Variants in DLG2 observed in about 807,000 individuals in gnomAD.
The protein encoded by DLG2 is discs large MAGUK scaffold protein 2.
In DLG2, 45 loss-of-function variants were observed where a neutral mutation model predicts 132.5. The ratio of observed to expected loss-of-function variants is 0.34; its 90% CI spans 0.27 to 0.44. The LOEUF is 0.44. DLG2 is among the 20% of genes least tolerant of loss of function. DLG2 has a pLI of 1.00. For missense variants in DLG2, 1,045 were observed against 1,196.9 expected, an observed-to-expected ratio of 0.87 and a Z score of 1.87; for synonymous variants, 424 against 419.6, an observed-to-expected ratio of 1.01 and a Z score of -0.13.
chr11:84,807,968 GAAT>G (rs754651347), intron 6 of DLG2, among the ~76,000 whole-genome samples: 2 of 152,098 alleles, frequency 1.3e-5, no homozygotes, highest in Admixed American at 6.5e-5. Flanking sequence ...AATGCATATA[GAAT>G]AATAACACCA....
intron 3 of DLG2, among the ~76,000 whole-genome samples, chr11:85,337,123 T>C (rs2082187192): frequency 6.6e-6 from 1 of 152,258 alleles, no homozygotes; most frequent in South Asian, 2.1e-4. Context: ...GCTAGGACAC[T>C]TAAGTAATAA....
At chr11:84,578,869 C>T (rs1592796126) in intron 6 of DLG2, among the ~76,000 whole-genome samples, 1 of 152,042 alleles carries the variant, frequency 6.6e-6, no homozygotes, top group East Asian at 1.9e-4. Flanking sequence ...ATTTTATCTC[C>T]CAGAATTCCC....
At chr11:85,596,352 C>T (rs1388308885) in intron 3 of DLG2, among the ~76,000 whole-genome samples, 1 of 152,110 alleles carries the variant, frequency 6.6e-6, no homozygotes, top group Admixed American at 6.5e-5. Context: ...TGTGCCACTG[C>T]ACTCCAGCCT....
chr11:83,653,543 T>C (rs2071295661), intron 18 of DLG2, among the ~76,000 whole-genome samples: 1 of 152,222 alleles, frequency 6.6e-6, no homozygotes, highest in Non-Finnish European at 1.5e-5. Flanking sequence ...TTTATAACTG[T>C]CACTGTACAT....
chr11:83,551,367 A>G (rs991159187), intron 19 of DLG2, among the ~76,000 whole-genome samples: 7 of 152,174 alleles, frequency 4.6e-5, no homozygotes, highest in African/African-American at 1.7e-4. Context: ...CTGACAAATG[A>G]TAAAGCTAGT....
At chr11:84,221,782 C>T (rs2096919382) in intron 8 of DLG2, among the ~76,000 whole-genome samples, 1 of 152,064 alleles carries the variant, frequency 6.6e-6, no homozygotes, top group Non-Finnish European at 1.5e-5. Flanking sequence ...GTGACTACTG[C>T]CACGTTTGTC....
intron 11 of DLG2, among the ~76,000 whole-genome samples, chr11:84,049,584 G>A (rs2096314327): frequency 6.6e-6 from 1 of 151,726 alleles, no homozygotes; most frequent in Non-Finnish European, 1.5e-5. Flanking sequence ...CCAGAACTGG[G>A]TCACAGACTG....
intron 3 of DLG2, among the ~76,000 whole-genome samples, chr11:85,458,049 C>T (rs1454283498): frequency 6.6e-6 from 1 of 152,168 alleles, no homozygotes; most frequent in Non-Finnish European, 1.5e-5. Context: ...CTTGCTTTCT[C>T]TCCATCTCTT....
At chr11:84,460,583 T>C (rs1043422265) in intron 7 of DLG2, among the ~76,000 whole-genome samples, 1 of 150,686 alleles carries the variant, frequency 6.6e-6, no homozygotes, top group African/African-American at 2.4e-5. Flanking sequence ...AGTTGATTAA[T>C]ACATCCATGA....
chr11:85,317,272 G>A (rs904083681), intron 3 of DLG2, among the ~76,000 whole-genome samples: 1 of 151,786 alleles, frequency 6.6e-6, no homozygotes, highest in African/African-American at 2.4e-5. Context: ...TAAAAATAAT[G>A]TAAGGCCACT....
At chr11:84,568,040 G>A (rs1482786588) in intron 6 of DLG2, among the ~76,000 whole-genome samples, 2 of 152,172 alleles carry the variant, frequency 1.3e-5, no homozygotes, top group East Asian at 3.8e-4. Flanking sequence ...AGCATTCCAA[G>A]ATGCTTCTCA....
chr11:84,561,948 A>G (rs1372061180), intron 6 of DLG2, among the ~76,000 whole-genome samples: 1 of 152,138 alleles, frequency 6.6e-6, no homozygotes, highest in African/African-American at 2.4e-5. Context: ...TTAGCCTTGC[A>G]CTGCTTTCTC....
chr11:83,954,871 A>G (rs1442593134), intron 14 of DLG2, among the ~76,000 whole-genome samples: 1 of 152,224 alleles, frequency 6.6e-6, no homozygotes, highest in Non-Finnish European at 1.5e-5. Context: ...AAAAATTAAG[A>G]TTCTCAATAA....
intron 6 of DLG2, among the ~76,000 whole-genome samples, chr11:84,985,991 CAAAAAAA>C (rs71036455): frequency 6.8e-5 from 3 of 44,226 alleles, no homozygotes; most frequent in African/African-American, 1.0e-4. Context: ...GACTCCGTCT[CAAAAAAA>C]AAAAAAAAAA....
intron 21 of DLG2, among the ~76,000 whole-genome samples, chr11:83,501,144 A>G (rs2094434311): frequency 6.6e-6 from 1 of 151,402 alleles, no homozygotes; most frequent in Non-Finnish European, 1.5e-5. Context: ...GGCTCAGAAC[A>G]TACGTTGTTG....
At chr11:84,720,522 A>G (rs1402237851) in intron 6 of DLG2, 2 of 981,622 alleles carry the variant, frequency 2.0e-6, no homozygotes, top group Non-Finnish European at 2.4e-6. Context: ...CGCCGTGGCC[A>G]TCCCGGAGCC....
intron 7 of DLG2, among the ~76,000 whole-genome samples, chr11:84,464,705 A>G (rs575306837): frequency 6.6e-6 from 1 of 151,312 alleles, no homozygotes; most frequent in South Asian, 2.1e-4. Flanking sequence ...ATATTAAATT[A>G]AGATAAAAAG....
chr11:84,958,191 T>A (rs904455361), intron 6 of DLG2, among the ~76,000 whole-genome samples: 21 of 152,282 alleles, frequency 1.4e-4, no homozygotes, highest in African/African-American at 4.8e-4. Context: ...TGCCATATCC[T>A]TCTTACTGGC....
chr11:83,619,290 G>A (rs1299832399), intron 19 of DLG2, among the ~76,000 whole-genome samples: 1 of 152,128 alleles, frequency 6.6e-6, no homozygotes, highest in Non-Finnish European at 1.5e-5. Flanking sequence ...TATATTAGAT[G>A]ACTATATTTC....
Sources: gnomAD v4.1 joint callset for allele counts (sites outside exome capture counted in the v4.1 genomes callset) on GRCh38, gnomAD v4.1.1 for gene constraint, MANE v1.5 for transcripts, NCBI Gene and HGNC (gene_info 2026-07-23, HGNC 2026-07-21) for gene names.